TOM1L1: variants seen among roughly 807,000 people sequenced by gnomAD.
TOM1L1 encodes TOM1-like protein 1.
TOM1L1 carries 64 observed loss-of-function variants against 63.4 expected under a neutral mutation model. The ratio of observed to expected loss-of-function variants is 1.01; its 90% CI spans 0.83 to 1.24. TOM1L1 has a LOEUF of 1.24. Ranked by LOEUF, TOM1L1 falls within the 50% of genes most tolerant of loss-of-function variation. The pLI is 0.00. For missense variants in TOM1L1, 536 were observed against 567.0 expected, an observed-to-expected ratio of 0.95 and a Z score of 0.55; for synonymous variants, 166 against 194.4, an observed-to-expected ratio of 0.85 and a Z score of 1.22.
At chr17:54,954,668 G>C (rs1227790738) in intron 14 of TOM1L1, 1 of 152,220 alleles carries the variant, frequency 6.6e-6, no homozygotes, top group Non-Finnish European at 1.5e-5. Context: ...TCTCTTGGAG[G>C]GGGTAGTAAA....
intron 3 of TOM1L1, among the ~76,000 whole-genome samples, chr17:54,910,384 A>G (rs1272026450): frequency 6.6e-6 from 1 of 152,202 alleles, no homozygotes; most frequent in African/African-American, 2.4e-5. Context: ...TGAACCGGAG[A>G]GGCAGAGGTT....
At chr17:54,935,681 A>G (rs771489127) in intron 8 of TOM1L1, among the ~76,000 whole-genome samples, 21 of 152,178 alleles carry the variant, frequency 1.4e-4, no homozygotes, top group Non-Finnish European at 8.8e-5. Context: ...GCTACAAGGT[A>G]CTAACACTGA....
chr17:54,960,476 C>A, intron 14 of TOM1L1, 90 bp from the exon 15 acceptor site: 2 of 933,430 alleles, frequency 2.1e-6, no homozygotes, highest in Admixed American at 1.8e-5. Flanking sequence ...AAAACCAGCT[C>A]AATTTTTAAT....
rs754637061 is a variant in TOM1L1, at chr17:54,915,738, C to G, written c.604-8C>G. The G allele has an allele frequency of 4.4e-6, 7 of 1,590,234 alleles. No homozygotes were observed. Among genetic ancestry groups the G allele is most frequent in the East Asian group, 2.3e-5 (1 of 43,826 alleles). ...CGCACTGACTGGTGATTGTGTTGCT[C>G]TCTACAGATTGGAAAACTGCACAGT... On this transcript the variant is annotated splice_polypyrimidine_tract_variant and splice_region_variant and intron_variant, in intron 6 of 15. Coordinates refer to ENST00000575882, the MANE Select transcript of TOM1L1 (RefSeq NM_005486.3).
chr17:54,906,476 C>CAAA (rs57524831), intron 3 of TOM1L1, among the ~76,000 whole-genome samples: 6 of 93,912 alleles, frequency 6.4e-5, no homozygotes, highest in African/African-American at 1.6e-4. Flanking sequence ...GACTCCTTCT[C>CAAA]AAAAAAAAAA....
intron 7 of TOM1L1, among the ~76,000 whole-genome samples, chr17:54,928,200 A>G (rs1202904988): frequency 6.6e-6 from 1 of 152,156 alleles, no homozygotes; most frequent in Admixed American, 6.5e-5. Context: ...TGTATTCGTT[A>G]TCTAGTTGAG....
At position 54,937,094 on chromosome 17, in the gene TOM1L1, TTGC is replaced by T. The variant is rs762045559; in HGVS notation, c.916-13_916-11del. On this transcript the variant is annotated splice_polypyrimidine_tract_variant and intron_variant, in intron 9 of 15. Coordinates refer to ENST00000575882, the MANE Select transcript of TOM1L1 (RefSeq NM_005486.3). ...AACTACATGACACTTTTTTTTTTTT[TTGC>T]TTTGTTTTCAGACTACCAGTGAGCC... is the stretch of plus-strand genomic sequence containing the variant. The T allele has an allele frequency of 8.2e-6, 13 of 1,578,472 alleles. No homozygotes were observed. Among genetic ancestry groups the T allele is most frequent in the Admixed American group, 5.2e-5 (3 of 57,426 alleles).
intron 7 of TOM1L1, among the ~76,000 whole-genome samples, chr17:54,919,507 T>G (rs2048646174): frequency 6.6e-6 from 1 of 152,190 alleles, no homozygotes; most frequent in African/African-American, 2.4e-5. Flanking sequence ...TCTCAGGGTG[T>G]TTGGGTGCAG....
At chr17:54,952,378 C>T (rs1395627956) in intron 14 of TOM1L1, 3 of 151,916 alleles carry the variant, frequency 2.0e-5, no homozygotes, top group Non-Finnish European at 4.4e-5. Flanking sequence ...GAAACCCCGT[C>T]TCTACTAAAA....
chr17:54,914,895 T>C, intron 6 of TOM1L1, 152 bp downstream of exon 6: 1 of 678,400 alleles, frequency 1.5e-6, no homozygotes, highest in Non-Finnish European at 2.6e-6. Context: ...CTATGTGACT[T>C]ACCATAGTTC....
chr17:54,902,410 C>G (rs1391898556), intron 1 of TOM1L1, among the ~76,000 whole-genome samples: 1 of 152,184 alleles, frequency 6.6e-6, no homozygotes, highest in Non-Finnish European at 1.5e-5. Context: ...CTTCCTCAGC[C>G]TCCCGAGTAG....
At chr17:54,901,976 AG>A in intron 1 of TOM1L1, among the ~76,000 whole-genome samples, 1 of 152,214 alleles carries the variant, frequency 6.6e-6, no homozygotes, top group Middle Eastern at 3.4e-3. Flanking sequence ...ACGAAACTTC[AG>A]CAGTTCTTCT....
At chr17:54,906,370 G>C (rs912278020) in intron 3 of TOM1L1, among the ~76,000 whole-genome samples, 1 of 151,812 alleles carries the variant, frequency 6.6e-6, no homozygotes, top group Non-Finnish European at 1.5e-5. Context: ...TTGGGAGTCT[G>C]AGACAGGAGA....
chr17:54,918,474 G>A (rs1388200389), intron 7 of TOM1L1, among the ~76,000 whole-genome samples: 2 of 152,114 alleles, frequency 1.3e-5, no homozygotes, highest in Admixed American at 6.6e-5. Context: ...ACCACAACGT[G>A]GGAGTATAAA....
intron 14 of TOM1L1, chr17:54,955,212 G>C (rs2049436106): frequency 6.6e-6 from 1 of 152,220 alleles, no homozygotes; most frequent in Non-Finnish European, 1.5e-5. Context: ...GAAGCTGAGA[G>C]GATAACAGGG....
At chr17:54,944,562 T>C (rs35097996) in intron 11 of TOM1L1, among the ~76,000 whole-genome samples, 31,741 of 152,252 alleles carry the variant, frequency 0.21, 3,882 homozygotes, top group Non-Finnish European at 0.27. Flanking sequence ...TGAAGAATTT[T>C]CTTTATCAGT....
intron 7 of TOM1L1, among the ~76,000 whole-genome samples, chr17:54,920,116 A>T (rs956455575): frequency 2.6e-5 from 4 of 152,044 alleles, no homozygotes; most frequent in Admixed American, 2.6e-4. Context: ...TCACGTCAAT[A>T]CAGTTAGAAC....
intron 3 of TOM1L1, 47 bp from the exon 4 acceptor site, chr17:54,912,619 G>A (rs1002885155): frequency 7.0e-7 from 1 of 1,433,572 alleles, no homozygotes; most frequent in Non-Finnish European, 9.2e-7. Flanking sequence ...TTTTTAGGAG[G>A]TGGTTTTGCC....
chr17:54,900,933 C>G lies in TOM1L1; in HGVS notation c.58+10C>G, dbSNP rs765752371. ...GTGGGCCACCTCATAGGTAAGGAGG[C>G]GCGGGGAGAGACGCCCAGGCAGGCA... On this transcript the variant is annotated intron_variant, in intron 1 of 15. Coordinates refer to ENST00000575882, the MANE Select transcript of TOM1L1 (RefSeq NM_005486.3). 2.1e-5 allele frequency: 34 copies of G among 1,613,672 alleles called. 1 individual carries two copies. In the East Asian group the frequency reaches 6.9e-4, roughly 33 times the overall value.
Sources: gnomAD v4.1 joint callset for allele counts (sites outside exome capture counted in the v4.1 genomes callset) on GRCh38, gnomAD v4.1.1 for gene constraint, MANE v1.5 for transcripts, NCBI Gene and HGNC (gene_info 2026-07-23, HGNC 2026-07-21) for gene names.